The following SRGAP1 variants were observed in gnomAD, a reference collection of about 807,000 sequenced individuals.
SRGAP1 encodes SLIT-ROBO Rho GTPase activating protein 1, also known as SLIT-ROBO Rho GTPase-activating protein 1.
Under a neutral mutation model 121.9 loss-of-function variants are expected in SRGAP1, and 43 were observed. That is an observed-to-expected ratio of 0.35 (90% CI 0.28 to 0.46). The LOEUF (loss-of-function observed/expected upper bound fraction) is 0.46, where lower values mean the gene tolerates loss of function less well. Ranked by LOEUF, SRGAP1 falls within the 20% of genes least tolerant of loss-of-function variation. The pLI is 1.00. For missense variants in SRGAP1, 1,102 were observed against 1,350.9 expected (o/e 0.82, Z 2.89); for synonymous variants, 447 against 485.4 (o/e 0.92, Z 1.04).
intron 8 of SRGAP1, among the ~76,000 whole-genome samples, chr12:64,073,365 A>G (rs138890382): frequency 2.4e-3 from 360 of 152,310 alleles, no homozygotes; most frequent in African/African-American, 8.2e-3. Context: ...CTGGTTTCCC[A>G]TATGTAAGAA....
At chr12:64,031,172 G>A (rs2034770017) in intron 4 of SRGAP1, among the ~76,000 whole-genome samples, 1 of 151,984 alleles carries the variant, frequency 6.6e-6, no homozygotes, top group Non-Finnish European at 1.5e-5. Flanking sequence ...ACAAAAGTTA[G>A]CCGGGTGTGG....
chr12:64,000,431 A>G (rs1458173603), intron 3 of SRGAP1, among the ~76,000 whole-genome samples: 3 of 152,040 alleles, frequency 2.0e-5, no homozygotes, highest in African/African-American at 7.2e-5. Flanking sequence ...CAACATAGCA[A>G]GACATGATTT....
At chr12:64,109,934 C>T (rs899396150) in intron 16 of SRGAP1, among the ~76,000 whole-genome samples, 1 of 152,026 alleles carries the variant, frequency 6.6e-6, no homozygotes, top group Non-Finnish European at 1.5e-5. Flanking sequence ...AAGTATCATA[C>T]AATAGGGAAA....
At chr12:63,965,519 C>T (rs907835354) in intron 1 of SRGAP1, among the ~76,000 whole-genome samples, 1 of 151,834 alleles carries the variant, frequency 6.6e-6, no homozygotes, top group Non-Finnish European at 1.5e-5. Context: ...AAAAAAAATA[C>T]AGTGGGCTGG....
intron 1 of SRGAP1, among the ~76,000 whole-genome samples, chr12:63,965,969 G>A (rs1397381078): frequency 6.6e-6 from 1 of 152,110 alleles, no homozygotes; most frequent in Non-Finnish European, 1.5e-5. Context: ...ACAGGCATCC[G>A]CCATCATGCC....
Position 64,097,473 on chromosome 12 carries a change from A to G in SRGAP1, c.1813+98A>G, listed in dbSNP as rs985257665. On this transcript the variant is annotated intron_variant, in intron 15 of 21. Coordinates refer to ENST00000355086, the MANE Select transcript of SRGAP1 (RefSeq NM_020762.4). ...CCCCCCTCCATACACCCCCACCCCCATTACCCCATTACCACCATATTTCTG... is the reference window on the plus strand; with the variant it reads ...CCCCCCTCCATACACCCCCACCCCCGTTACCCCATTACCACCATATTTCTG... 8 of 1,056,758 alleles carry G rather than the reference A, an allele frequency of 7.6e-6. No homozygotes were observed. The African/African-American group carries it at 8.9e-5, about 12-fold the overall frequency. 65.5% of individuals were successfully genotyped at this position (1,056,758 alleles called of 1,614,324 possible).
intron 4 of SRGAP1, among the ~76,000 whole-genome samples, chr12:64,040,839 A>C (rs2035002367): frequency 6.6e-6 from 1 of 152,194 alleles, no homozygotes; most frequent in Non-Finnish European, 1.5e-5. Flanking sequence ...TAATTAGCTG[A>C]GTATAAAATT....
intron 1 of SRGAP1, among the ~76,000 whole-genome samples, chr12:63,954,096 T>C (rs1448012236): frequency 6.6e-6 from 1 of 152,340 alleles, no homozygotes; most frequent in African/African-American, 2.4e-5. Context: ...TATAAAACTT[T>C]GCAGAGATAT....
intron 6 of SRGAP1, among the ~76,000 whole-genome samples, chr12:64,054,037 A>G (rs542635025): frequency 6.6e-6 from 1 of 152,298 alleles, no homozygotes; most frequent in Non-Finnish European, 1.5e-5. Flanking sequence ...CCACACCTTC[A>G]AAATGTATTC....
At chr12:64,079,191 TC>T in intron 9 of SRGAP1, 75 bp downstream of exon 9, 1 of 1,512,508 alleles carries the variant, frequency 6.6e-7, no homozygotes, top group Admixed American at 1.8e-5. Flanking sequence ...TATAGTCACA[TC>T]AGAACCATCT....
rs1223126012 is a variant in SRGAP1 at position 64,150,949 on chromosome 12, A to AAAAAAAAAAAAAC, written c.*8288_*8289insACAAAAAAAAAAA. ...GAAGCTATCTCAAAAAAAAAAAAAA[A>AAAAAAAAAAAAAC]AAAAAAAAAAACATGGTCAAGATTT... On this transcript the variant is annotated 3_prime_UTR_variant, in exon 22 of 22. Coordinates refer to ENST00000355086, the MANE Select transcript of SRGAP1 (RefSeq NM_020762.4). 6.7e-6 allele frequency: 1 copy of AAAAAAAAAAAAAC among 148,340 alleles called. No individual in the cohort carries two copies. The highest frequency in any genetic ancestry group is 1.5e-5 in the Non-Finnish European group (1 of 66,776). 9.2% of individuals were successfully genotyped at this position (148,340 alleles called of 1,614,324 possible). A position where few individuals can be genotyped will look rare whatever the true frequency, so the allele number is the denominator to read the frequency against.
At chr12:64,106,623 C>T (rs553340547) in intron 15 of SRGAP1, among the ~76,000 whole-genome samples, 1 of 152,266 alleles carries the variant, frequency 6.6e-6, no homozygotes, top group Admixed American at 6.5e-5. Context: ...TTGATCCTAC[C>T]AGGACCAAAC....
intron 1 of SRGAP1, among the ~76,000 whole-genome samples, chr12:63,872,868 A>G (rs989210951): frequency 3.3e-5 from 5 of 152,228 alleles, no homozygotes; most frequent in Admixed American, 6.5e-5. Context: ...ATTTATGGGA[A>G]TATTGTGGAG....
At chr12:63,900,206 T>TC (rs1555236575) in intron 1 of SRGAP1, among the ~76,000 whole-genome samples, 11,717 of 85,472 alleles carry the variant, frequency 0.14, 534 homozygotes, top group East Asian at 0.31. Flanking sequence ...TTCTTTTTCT[T>TC]TTTTTTTTTT....
rs537630515 is a variant in SRGAP1, at chr12:64,128,270, C to T, written c.2880+70C>T. 1.9e-5 allele frequency: 26 copies of T among 1,334,434 alleles called. No individual in the cohort carries two copies. The South Asian group carries it at 3.6e-4, about 19-fold the overall frequency. 82.7% of individuals were successfully genotyped at this position (1,334,434 alleles called of 1,614,324 possible). On this transcript the variant is annotated intron_variant, in intron 21 of 21. Transcript: ENST00000355086. ...TGATGTAGGAGGTGTGAAAGATTTA[C>T]TTTATTTACTTTTTACTTTATTTAC...
chr12:64,091,388 C>T lies in SRGAP1; in HGVS notation c.1539+10C>T. ...GGAAACATTCGTCAAGGTACTGGCACCAGCCATCTGGGTGGCTGATCTCCA... is the reference window on the plus strand; with the variant it reads ...GGAAACATTCGTCAAGGTACTGGCATCAGCCATCTGGGTGGCTGATCTCCA... On this transcript the variant is annotated intron_variant, in intron 12 of 21. Transcript: ENST00000355086. 1 of 1,590,836 alleles carries T rather than the reference C, an allele frequency of 6.3e-7. No individual in the cohort carries two copies. The highest frequency in any genetic ancestry group is 1.3e-5 in the African/African-American group (1 of 74,570).
chr12:63,955,994 G>C (rs970824371), intron 1 of SRGAP1, among the ~76,000 whole-genome samples: 1 of 152,148 alleles, frequency 6.6e-6, no homozygotes, highest in African/African-American at 2.4e-5. Flanking sequence ...TTATGACTGA[G>C]CTACTGATTG....
intron 1 of SRGAP1, among the ~76,000 whole-genome samples, chr12:63,936,870 A>G (rs962110157): frequency 3.3e-5 from 5 of 152,204 alleles, no homozygotes; most frequent in African/African-American, 1.2e-4. Flanking sequence ...ACTGATGATG[A>G]AACTGAAGTT....
chr12:64,098,208 A>T (rs2036195695), intron 15 of SRGAP1, among the ~76,000 whole-genome samples: 1 of 151,932 alleles, frequency 6.6e-6, no homozygotes, highest in Non-Finnish European at 1.5e-5. Context: ...CAAAAAAAAC[A>T]TCTCACTACT....
Sources: gnomAD v4.1 joint callset for allele counts (sites outside exome capture counted in the v4.1 genomes callset) on GRCh38, gnomAD v4.1.1 for gene constraint, MANE v1.5 for transcripts, NCBI Gene and HGNC (gene_info 2026-07-23, HGNC 2026-07-21) for gene names.